CDH13: variants seen among roughly 807,000 people sequenced by gnomAD.
The protein encoded by CDH13 is cadherin 13.
CDH13 carries 24 observed loss-of-function variants against 63.8 expected under a neutral mutation model. The ratio of observed to expected loss-of-function variants is 0.38; its 90% CI spans 0.27 to 0.53. The LOEUF (loss-of-function observed/expected upper bound fraction) is 0.53, where lower values mean the gene tolerates loss of function less well. Ranked by LOEUF, CDH13 falls within the 20% of genes least tolerant of loss-of-function variation. CDH13 has a pLI of 0.85. For missense variants in CDH13, 1,049 were observed against 903.1 expected (o/e 1.16, Z -2.07); for synonymous variants, 503 against 355.3 (o/e 1.42, Z -4.67).
At chr16:83,007,563 C>G (rs1913661671) in intron 2 of CDH13, among the ~76,000 whole-genome samples, 2 of 152,132 alleles carry the variant, frequency 1.3e-5, no homozygotes, top group African/African-American at 4.8e-5. Flanking sequence ...GGCTCAGTGG[C>G]TCATGCCTGT....
chr16:83,052,801 A>AAGAAAGAAAG (rs1555571695), intron 3 of CDH13, among the ~76,000 whole-genome samples: 1 of 122,658 alleles, frequency 8.2e-6, no homozygotes, highest in African/African-American at 3.3e-5. Context: ...AAAAAAAAAA[A>AAGAAAGAAAG]AAAGAAAGAA....
At chr16:83,069,470 C>A (rs1219866326) in intron 3 of CDH13, among the ~76,000 whole-genome samples, 1 of 152,164 alleles carries the variant, frequency 6.6e-6, no homozygotes, top group Non-Finnish European at 1.5e-5. Context: ...TAACAGCCCC[C>A]CCTAAGGTAG....
intron 11 of CDH13, among the ~76,000 whole-genome samples, chr16:83,770,684 G>C (rs1286706725): frequency 1.3e-5 from 2 of 152,166 alleles, no homozygotes; most frequent in Non-Finnish European, 2.9e-5. Context: ...TTAGATCATA[G>C]AGAGTAACCT....
intron 5 of CDH13, among the ~76,000 whole-genome samples, chr16:83,337,362 T>A (rs1417730175): frequency 1.3e-5 from 2 of 152,132 alleles, no homozygotes; most frequent in African/African-American, 4.8e-5. Context: ...CTCCTGTGGT[T>A]TTTCTTTAGC....
chr16:83,183,387 C>A (rs117147518), intron 4 of CDH13, among the ~76,000 whole-genome samples: 1 of 152,180 alleles, frequency 6.6e-6, no homozygotes, highest in African/African-American at 2.4e-5. Context: ...TCCACGCACA[C>A]GACGTGAAGC....
intron 1 of CDH13, among the ~76,000 whole-genome samples, chr16:82,845,257 G>T (rs373809495): frequency 2.0e-5 from 3 of 152,202 alleles, no homozygotes; most frequent in East Asian, 3.9e-4. Context: ...AAGAAGGCAG[G>T]TGGGAGCATT....
At chr16:82,797,774 C>CGTGTGTGT (rs3046484) in intron 1 of CDH13, among the ~76,000 whole-genome samples, 9,315 of 145,550 alleles carry the variant, frequency 0.064, 409 homozygotes, top group Middle Eastern at 0.15. Context: ...ACTTTAGGGC[C>CGTGTGTGT]GTGTGTGTGT....
chr16:82,935,211 T>C (rs1012064426), intron 2 of CDH13, among the ~76,000 whole-genome samples: 6 of 152,080 alleles, frequency 3.9e-5, no homozygotes, highest in African/African-American at 1.2e-4. Flanking sequence ...GGCAGCAAGA[T>C]GGAGAAGTGC....
intron 5 of CDH13, among the ~76,000 whole-genome samples, chr16:83,275,362 A>C (rs1398156059): frequency 2.0e-5 from 3 of 152,194 alleles, no homozygotes; most frequent in Admixed American, 6.5e-5. Context: ...TGTCCACCTA[A>C]TAGAAAGGCA....
chr16:82,922,043 G>T (rs910538038), intron 2 of CDH13, among the ~76,000 whole-genome samples: 3 of 152,082 alleles, frequency 2.0e-5, no homozygotes, highest in African/African-American at 4.8e-5. Flanking sequence ...TAGTCTAACT[G>T]TTGGCATAAA....
intron 6 of CDH13, among the ~76,000 whole-genome samples, chr16:83,364,248 T>G (rs2091217319): frequency 1.3e-5 from 2 of 152,140 alleles, no homozygotes; most frequent in South Asian, 4.1e-4. Flanking sequence ...ACAGATTTTC[T>G]GCCTGTGGAT....
chr16:83,123,889 A>G (rs1040477582), intron 3 of CDH13, among the ~76,000 whole-genome samples: 3 of 152,108 alleles, frequency 2.0e-5, no homozygotes, highest in Non-Finnish European at 2.9e-5. Flanking sequence ...CTTTTTAATC[A>G]TAGCCATTCT....
intron 6 of CDH13, among the ~76,000 whole-genome samples, chr16:83,401,396 A>G (rs999051607): frequency 6.6e-6 from 1 of 151,568 alleles, no homozygotes; most frequent in Non-Finnish European, 1.5e-5. Context: ...CAGGCGTGGT[A>G]GGCGTGGTGG....
chr16:82,797,170 C>G (rs539251854), intron 1 of CDH13, among the ~76,000 whole-genome samples: 24 of 152,162 alleles, frequency 1.6e-4, no homozygotes, highest in Admixed American at 2.0e-4. Context: ...ATACGTCACT[C>G]TTTCAGTGTG....
At chr16:82,722,905 G>A (rs2032868869) in intron 1 of CDH13, 1 of 152,194 alleles carries the variant, frequency 6.6e-6, no homozygotes. Flanking sequence ...TTACTCAAAT[G>A]GCACCTGGGG....
chr16:83,379,188 G>T (rs1009189762), intron 6 of CDH13, among the ~76,000 whole-genome samples: 2 of 152,142 alleles, frequency 1.3e-5, no homozygotes, highest in African/African-American at 4.8e-5. Context: ...TCATAAGCAT[G>T]CATTCTGCAT....
At chr16:82,675,325 T>C (rs1286036459) in intron 1 of CDH13, among the ~76,000 whole-genome samples, 1 of 152,208 alleles carries the variant, frequency 6.6e-6, no homozygotes, top group Non-Finnish European at 1.5e-5. Flanking sequence ...CTCTATATTA[T>C]ATGGCTGTAT....
At chr16:82,808,440 A>G (rs911626900) in intron 1 of CDH13, among the ~76,000 whole-genome samples, 1 of 152,152 alleles carries the variant, frequency 6.6e-6, no homozygotes, top group African/African-American at 2.4e-5. Context: ...CAATGCTTTC[A>G]GAGCTGAATC....
At chr16:83,624,353 C>G (rs377711695) in intron 8 of CDH13, among the ~76,000 whole-genome samples, 2 of 151,872 alleles carry the variant, frequency 1.3e-5, no homozygotes. Context: ...CACCCCTGCC[C>G]CAGGTCAGCA....
Sources: allele counts gnomAD v4.1 joint callset (sites outside exome capture counted in the v4.1 genomes callset), GRCh38; gene constraint gnomAD v4.1.1; transcripts MANE v1.5; gene names NCBI Gene and HGNC (gene_info 2026-07-23, HGNC 2026-07-21).